MAP4K4: variants seen among roughly 807,000 people sequenced by gnomAD.
The protein encoded by MAP4K4 is mitogen-activated protein kinase kinase kinase kinase 4.
Under a neutral mutation model 189.6 loss-of-function variants are expected in MAP4K4, and 38 were observed. That is an observed-to-expected ratio of 0.20 (90% CI 0.15 to 0.26). The LOEUF (loss-of-function observed/expected upper bound fraction) is 0.26. Among genes scored for constraint, MAP4K4 ranks in the 10% least tolerant of loss-of-function variants. The probability of loss-of-function intolerance (pLI) is 1.00; values close to 1 mark genes in which losing one functional copy is unlikely to be tolerated. For missense variants in MAP4K4, 1,054 were observed against 1,726.9 expected (o/e 0.61, Z 6.91); for synonymous variants, 610 against 624.3 (o/e 0.98, Z 0.34).
chr2:101,787,340 G>T (rs2091651923), intron 2 of MAP4K4, among the ~76,000 whole-genome samples: 1 of 152,202 alleles, frequency 6.6e-6, no homozygotes, highest in South Asian at 2.1e-4. Flanking sequence ...ACATCAGTGA[G>T]TAATGCCTTT....
exon 16 of MAP4K4, chr2:101,860,861 C>T (rs762352729): frequency 1.9e-6 from 3 of 1,609,316 alleles, no homozygotes; most frequent in Non-Finnish European, 2.5e-6. Context: ...CCACAGCTCC[C>T]CTGAAGCCCA....
At chr2:101,893,670 A>G (rs551827379) in exon 33 of MAP4K4, 32 of 155,994 alleles carry the variant, frequency 2.1e-4, no homozygotes, top group Admixed American at 7.6e-4. Flanking sequence ...TGGTCTTAAC[A>G]TTATCCAAAG....
intron 2 of MAP4K4, among the ~76,000 whole-genome samples, chr2:101,749,508 T>C (rs2067458897): frequency 6.7e-6 from 1 of 149,846 alleles, no homozygotes; most frequent in African/African-American, 2.5e-5. Context: ...CAAAAATCAA[T>C]TCAAGATGGA....
chr2:101,788,010 G>T (rs570068282), intron 2 of MAP4K4, among the ~76,000 whole-genome samples: 1 of 151,652 alleles, frequency 6.6e-6, no homozygotes, highest in African/African-American at 2.4e-5. Context: ...CACCATGTTG[G>T]TCAGGCTGGT....
chr2:101,785,974 C>T (rs1006818768), intron 2 of MAP4K4, among the ~76,000 whole-genome samples: 1 of 152,006 alleles, frequency 6.6e-6, no homozygotes. Flanking sequence ...TATAGGCGCC[C>T]GCCACCATGC....
rs1017964309 is a variant in MAP4K4 at position 101,874,818 on chromosome 2, TATATC to T, written c.3241+569_3241+573del. Among the ~76,000 whole-genome samples, 63 of 152,368 alleles carry T rather than the reference TATATC, an allele frequency of 4.1e-4. 1 individual carries two copies. Among genetic ancestry groups the T allele is most frequent in the African/African-American group, 1.2e-4 (5 of 41,578 alleles). On this transcript the variant is annotated intron_variant, in intron 26 of 32. Transcript: ENST00000324219. Reference sequence around the variant, plus strand: ...ACTGTACAATTATACAACTTGGAAATATATCATGGAGAAGTAGAAGATAGAGTGTA... The same window carrying T: ...ACTGTACAATTATACAACTTGGAAATATGGAGAAGTAGAAGATAGAGTGTA...
At chr2:101,883,626 T>G (rs1385530768) in intron 28 of MAP4K4, among the ~76,000 whole-genome samples, 1 of 152,228 alleles carries the variant, frequency 6.6e-6, no homozygotes, top group African/African-American at 2.4e-5. Context: ...CTAACAGAAT[T>G]TAAACAGGAA....
chr2:101,730,114 T>C (rs1179973761), intron 2 of MAP4K4, among the ~76,000 whole-genome samples: 2 of 152,230 alleles, frequency 1.3e-5, no homozygotes, highest in African/African-American at 2.4e-5. Flanking sequence ...TAAAGGCTTA[T>C]TATAAGGTTT....
At chr2:101,839,376 C>T (rs970000314) in intron 9 of MAP4K4, among the ~76,000 whole-genome samples, 1 of 152,158 alleles carries the variant, frequency 6.6e-6, no homozygotes, top group African/African-American at 2.4e-5. Context: ...TCAAGAGACC[C>T]AGCATTTCGT....
chr2:101,698,239 G>A (rs1360421009), intron 1 of MAP4K4, 102 bp downstream of exon 1: 3 of 419,140 alleles, frequency 7.2e-6, no homozygotes, highest in African/African-American at 6.5e-5. Flanking sequence ...GCCGTGGGCA[G>A]AGCCGCGGGG....
At chr2:101,875,295 T>C (rs548110686) in intron 26 of MAP4K4, among the ~76,000 whole-genome samples, 1 of 152,294 alleles carries the variant, frequency 6.6e-6, no homozygotes, top group African/African-American at 2.4e-5. Flanking sequence ...AATAAAATTA[T>C]ATGAAAATGA....
intron 2 of MAP4K4, among the ~76,000 whole-genome samples, chr2:101,714,559 C>T (rs192165306): frequency 2.6e-5 from 4 of 152,228 alleles, no homozygotes; most frequent in African/African-American, 9.6e-5. Flanking sequence ...CTATAAGCAC[C>T]TTATCTTCCC....
At chr2:101,751,842 C>T (rs2069205514) in intron 2 of MAP4K4, among the ~76,000 whole-genome samples, 1 of 152,180 alleles carries the variant, frequency 6.6e-6, no homozygotes, top group Non-Finnish European at 1.5e-5. Flanking sequence ...CAGTGTGTCC[C>T]ATTTACGTAT....
intron 22 of MAP4K4, 162 bp from the exon 23 acceptor site, chr2:101,870,133 A>G: frequency 1.4e-6 from 1 of 714,120 alleles, no homozygotes; most frequent in Non-Finnish European, 2.2e-6. Context: ...CTGGAAAGAA[A>G]TTCTTTGTTA....
At chr2:101,814,095 C>T (rs1348076526) in intron 3 of MAP4K4, among the ~76,000 whole-genome samples, 1 of 152,016 alleles carries the variant, frequency 6.6e-6, no homozygotes, top group Non-Finnish European at 1.5e-5. Context: ...TCTTCCACAC[C>T]CCAGTATTAG....
At chr2:101,844,031 G>A (rs2097010164) in intron 11 of MAP4K4, 70 bp from the exon 12 acceptor site, 1 of 993,754 alleles carries the variant, frequency 1.0e-6, no homozygotes, top group African/African-American at 1.6e-5. Flanking sequence ...ATAATATGCT[G>A]GTGCTATTGA....
intron 2 of MAP4K4, among the ~76,000 whole-genome samples, chr2:101,714,931 C>G (rs981907158): frequency 2.0e-5 from 3 of 152,162 alleles, no homozygotes; most frequent in Non-Finnish European, 2.9e-5. Context: ...CTATGAATCT[C>G]TCAATAATTT....
intron 3 of MAP4K4, among the ~76,000 whole-genome samples, chr2:101,794,940 A>C (rs565926789): frequency 2.6e-5 from 4 of 152,206 alleles, no homozygotes; most frequent in East Asian, 1.9e-4. Flanking sequence ...TTTCTCTCCT[A>C]TATTTCCTGT....
intron 2 of MAP4K4, among the ~76,000 whole-genome samples, chr2:101,737,097 C>A (rs1046180531): frequency 2.6e-5 from 4 of 152,100 alleles, no homozygotes; most frequent in Non-Finnish European, 5.9e-5. Context: ...GATAAACCTT[C>A]TAGTAAAATT....
Sources: gnomAD v4.1 joint callset for allele counts (sites outside exome capture counted in the v4.1 genomes callset) on GRCh38, gnomAD v4.1.1 for gene constraint, MANE v1.5 for transcripts, NCBI Gene and HGNC (gene_info 2026-07-23, HGNC 2026-07-21) for gene names.